CCSAP: variants seen among roughly 807,000 people sequenced by gnomAD.
CCSAP encodes centriole, cilia and spindle associated protein, also known as centriole, cilia and spindle-associated protein.
In CCSAP, 17 loss-of-function variants were observed where a neutral mutation model predicts 25.9. That is an observed-to-expected ratio of 0.66 (90% confidence interval 0.45 to 0.99). The LOEUF (loss-of-function observed/expected upper bound fraction) is 0.99. CCSAP is among the 50% of genes least tolerant of loss of function. The pLI, the probability that CCSAP is intolerant of heterozygous loss-of-function variation, is 0.00. For synonymous variants in CCSAP, 169 were observed against 157.1 expected (o/e 1.08, Z -0.57); for missense variants, 339 against 367.8 (o/e 0.92, Z 0.64).
At chr1:229,330,658 C>T (rs369141881) in intron 2 of CCSAP, among the ~76,000 whole-genome samples, 10 of 151,948 alleles carry the variant, frequency 6.6e-5, no homozygotes, top group Non-Finnish European at 1.2e-4. Context: ...CTGGCTAACA[C>T]GGTGAAACCT....
In CCSAP at chr1:229,342,172, G is replaced by T; in HGVS notation, c.294C>A (p.Arg98=). The change falls in exon 2 of 4, where the codon CGC becomes CGA. Residue 98 remains arginine (R), a synonymous_variant. Transcript: ENST00000284617. This position sits in a 1 kb window ranked among gnomAD's most constrained non-coding sequence, Gnocchi z 7.5. ...CCGCGTCCTGCTCCTCCGGGGCCCC[G>T]CGCGCCCGCCGTTCCGCCTCCTCCT... ...ATQEEAERRA[R]GAPEEQDAEA... 1 of 1,290,898 alleles carries T rather than the reference G, an allele frequency of 7.7e-7. No homozygotes were observed. Among genetic ancestry groups the T allele is most frequent in the Non-Finnish European group, 9.8e-7 (1 of 1,020,746 alleles). 80.0% of individuals were successfully genotyped at this position (1,290,898 alleles called of 1,614,324 possible).
intron 2 of CCSAP, among the ~76,000 whole-genome samples, chr1:229,336,546 T>C (rs1361710482): frequency 6.6e-6 from 1 of 152,136 alleles, no homozygotes; most frequent in Non-Finnish European, 1.5e-5. Context: ...CTGGCAGGTA[T>C]ACATGTTTGC....
Position 229,342,334 on chromosome 1 carries a change from G to A in CCSAP, c.132C>T (p.His44=), listed in dbSNP as rs1198762918. Reference sequence around the variant, plus strand: ...CCCAGTCGTCCCAGAGCCAGGGCGCGTGCGCCTGCTCCAGCAGCCGGCGGC... The same window carrying A: ...CCCAGTCGTCCCAGAGCCAGGGCGCATGCGCCTGCTCCAGCAGCCGGCGGC... ...RLGRRLLEQA[H]APWLWDDWGP... is the part of the protein sequence containing the mutation. Residue 44 remains histidine (H), a synonymous_variant, in exon 2 of 4, where the codon CAC becomes CAT. Transcript: ENST00000284617. The surrounding 1 kb of genome is among the most constrained non-coding windows in gnomAD (Gnocchi z 7.5). 2 of 1,501,276 alleles carry A rather than the reference G, an allele frequency of 1.3e-6. No homozygotes were observed. Among genetic ancestry groups the A allele is most frequent in the Admixed American group, 2.0e-5 (1 of 48,964 alleles). The allele number at this position is 1,501,276 out of a possible 1,614,324, so 93.0% of individuals were successfully genotyped here.
chr1:229,339,158 A>G (rs950162201), intron 2 of CCSAP, among the ~76,000 whole-genome samples: 1 of 152,026 alleles, frequency 6.6e-6, no homozygotes, highest in African/African-American at 2.4e-5. Flanking sequence ...TAAAAACATG[A>G]GTTTGTCTAT....
intron 2 of CCSAP, among the ~76,000 whole-genome samples, chr1:229,338,730 C>T (rs1558252726): frequency 1.3e-5 from 2 of 152,012 alleles, no homozygotes; most frequent in African/African-American, 2.4e-5. Context: ...TGAAGAAACA[C>T]AGAAAGAGAA....
chr1:229,338,204 A>G (rs995098094), intron 2 of CCSAP, among the ~76,000 whole-genome samples: 6 of 152,188 alleles, frequency 3.9e-5, no homozygotes, highest in East Asian at 3.9e-4. Context: ...TTCATCTCCC[A>G]TAATGGGAAG....
At chr1:229,333,411 C>A (rs1242475983) in intron 2 of CCSAP, among the ~76,000 whole-genome samples, 2 of 124,562 alleles carry the variant, frequency 1.6e-5, no homozygotes, top group East Asian at 2.4e-4. Flanking sequence ...CCAGCCTGGG[C>A]GACAGAGCGA....
At chr1:229,328,488 G>T (rs1280340254) in intron 2 of CCSAP, among the ~76,000 whole-genome samples, 1 of 146,046 alleles carries the variant, frequency 6.8e-6, no homozygotes, top group Non-Finnish European at 1.5e-5. Flanking sequence ...AATTTTTTTT[G>T]TAGAGATGGG....
intron 3 of CCSAP, among the ~76,000 whole-genome samples, chr1:229,325,982 T>A (rs1212934609): frequency 6.6e-6 from 1 of 152,250 alleles, no homozygotes; most frequent in Non-Finnish European, 1.5e-5. Flanking sequence ...GTCTGTTCAG[T>A]GAAATTTTCA....
intron 3 of CCSAP, 121 bp from the exon 4 acceptor site, chr1:229,325,532 CCT>C (rs1657920301): frequency 1.3e-6 from 1 of 798,488 alleles, no homozygotes; most frequent in Non-Finnish European, 2.0e-6. Context: ...TCAAGCCCTG[CCT>C]CTCTATATAG....
At chr1:229,325,508 G>A in intron 3 of CCSAP, 97 bp from the exon 4 acceptor site, 1 of 1,111,794 alleles carries the variant, frequency 9.0e-7, no homozygotes, top group Non-Finnish European at 1.3e-6. Context: ...CAGGTCAACT[G>A]CAGCAGGGCA....
At chr1:229,332,138 C>T (rs988506240) in intron 2 of CCSAP, among the ~76,000 whole-genome samples, 3 of 152,168 alleles carry the variant, frequency 2.0e-5, no homozygotes, top group East Asian at 1.9e-4. Flanking sequence ...CCACTGCGCC[C>T]GGCCTCTAGT....
chr1:229,325,200 A>G lies in CCSAP; in HGVS notation c.*35T>C, dbSNP rs1461899868. 2 of 1,541,284 alleles carry G rather than the reference A, an allele frequency of 1.3e-6. No homozygotes were observed. The highest frequency in any genetic ancestry group is 2.5e-5 in the South Asian group (2 of 79,892). ...TTTGTTTTTCCTTTCAGTCATTTACACTTTTTAAAAGAGGCTGTCCACGCA... is the reference window on the plus strand; with the variant it reads ...TTTGTTTTTCCTTTCAGTCATTTACGCTTTTTAAAAGAGGCTGTCCACGCA... On this transcript the variant is annotated 3_prime_UTR_variant, in exon 4 of 4. Transcript: ENST00000284617.
chr1:229,326,937 G>A lies in CCSAP; in HGVS notation c.437C>T (p.Pro146Leu). The A allele has an allele frequency of 6.2e-7, 1 of 1,614,116 alleles. No individual in the cohort carries two copies. The highest frequency in any genetic ancestry group is 2.2e-5 in the East Asian group (1 of 44,878). ...QTRTRETDKS[P>L]TSTEPRQQPS... ...TTGCTGTCGAGGCTCAGTACTGGTG[G>A]GTGATTTGTCAGTCTCTCTTGTTCT... The change falls in exon 3 of 4, where the codon CCC becomes CTC. Residue 146 changes from proline (P) to leucine (L), a missense_variant. Transcript: ENST00000284617.
intron 3 of CCSAP, 67 bp from the exon 4 acceptor site, chr1:229,325,478 G>C: frequency 2.7e-6 from 4 of 1,476,678 alleles, no homozygotes; most frequent in Non-Finnish European, 3.7e-6. Context: ...AACAGAGGTT[G>C]CAATGAAGCT....
intron 3 of CCSAP, 67 bp from the exon 4 acceptor site, chr1:229,325,478 G>T (rs992909079): frequency 2.0e-6 from 3 of 1,476,678 alleles, no homozygotes; most frequent in Admixed American, 4.1e-5. Context: ...AACAGAGGTT[G>T]CAATGAAGCT....
chr1:229,333,742 A>C (rs1361880394), intron 2 of CCSAP, among the ~76,000 whole-genome samples: 1 of 151,786 alleles, frequency 6.6e-6, no homozygotes, highest in African/African-American at 2.4e-5. Context: ...TTAGCCAGGC[A>C]TGGTTGTGTA....
At chr1:229,338,572 C>CACAG (rs1553305256) in intron 2 of CCSAP, among the ~76,000 whole-genome samples, 1 of 151,024 alleles carries the variant, frequency 6.6e-6, no homozygotes, top group Non-Finnish European at 1.5e-5. Context: ...CACACACACA[C>CACAG]ACAGAATTTC....
chr1:229,325,353 A>G lies in CCSAP; in HGVS notation c.695T>C (p.Val232Ala). The G allele has an allele frequency of 6.2e-7, 1 of 1,614,182 alleles. No homozygotes were observed. The highest frequency in any genetic ancestry group is 8.5e-7 in the Non-Finnish European group (1 of 1,180,022). The change falls in exon 4 of 4, where the codon GTT becomes GCT. Residue 232 changes from valine to alanine, a missense_variant. Coordinates refer to ENST00000284617, the MANE Select transcript of CCSAP (RefSeq NM_145257.5). ...AGAGTGAGCTCGCTGCCTTTGAGCA[A>G]CCAGTTTCCTTTTTTCCACCTGTCT... Reference protein sequence around the residue: ...NRRQVEKRKLVAQRQRAHSVD... With the variant: ...NRRQVEKRKLAAQRQRAHSVD...
Sources: gnomAD v4.1 joint callset for allele counts (sites outside exome capture counted in the v4.1 genomes callset) on GRCh38, gnomAD v4.1.1 for gene constraint, Gnocchi (gnomAD v3.1) non-coding constraint, MANE v1.5 for transcripts, NCBI Gene and HGNC (gene_info 2026-07-23, HGNC 2026-07-21) for gene names.